Variants in CRYZ observed in about 807,000 individuals in gnomAD.
CRYZ encodes the protein crystallin zeta, also known as zeta-crystallin.
Under a neutral mutation model 34.1 loss-of-function variants are expected in CRYZ, and 35 were observed. The ratio of observed to expected loss-of-function variants is 1.03; its 90% CI spans 0.78 to 1.36. CRYZ has a LOEUF of 1.36. Ranked by LOEUF, CRYZ falls within the 40% of genes most tolerant of loss-of-function variation. The probability of loss-of-function intolerance (pLI) is 0.00; values close to 1 mark genes in which losing one functional copy is unlikely to be tolerated. For missense variants in CRYZ, 403 were observed against 391.8 expected (o/e 1.03, Z -0.24); for synonymous variants, 137 against 136.5 (o/e 1.00, Z -0.03).
chr1:74,710,792 C>T (rs942855010), intron 5 of CRYZ, among the ~76,000 whole-genome samples: 18 of 152,038 alleles, frequency 1.2e-4, no homozygotes, highest in East Asian at 5.8e-4. Context: ...AGAGTGTTTA[C>T]GATGTGCTAG....
At position 74,706,358 on chromosome 1, in the gene CRYZ, C is replaced by G. The variant is rs149746412; in HGVS notation, c.928G>C (p.Glu310Gln). The G allele has an allele frequency of 6.2e-7, 1 of 1,612,974 alleles. No individual in the cohort carries two copies. Among genetic ancestry groups the G allele is most frequent in the Non-Finnish European group, 8.5e-7 (1 of 1,179,326 alleles). The part of the protein sequence containing the change: ...GSQYPLEKVA[E>Q]AHENIIHGSG... ...CCATGAATGATATTTTCATGAGCCT[C>G]GGCCACCTTCTCCAATGGATATTGA... is the stretch of plus-strand genomic sequence containing the variant. The change falls in exon 9 of 9, where the codon GAG (glutamate) becomes CAG (glutamine). Residue 310 changes from glutamate (E) to glutamine (Q), a missense_variant. By Grantham distance (29) the Glu-to-Gln change is conservative (BLOSUM62 2). Coordinates refer to ENST00000340866, the MANE Select transcript of CRYZ (RefSeq NM_001889.4).
At chr1:74,707,883 A>C (rs560239546) in intron 6 of CRYZ, 1 of 152,330 alleles carries the variant, frequency 6.6e-6, no homozygotes, top group South Asian at 2.1e-4. Flanking sequence ...GATGGGAAAT[A>C]CTACAGTCAT....
intron 1 of CRYZ, among the ~76,000 whole-genome samples, chr1:74,727,458 C>CAA (rs3041452): frequency 2.4e-4 from 17 of 71,914 alleles, no homozygotes; most frequent in South Asian, 5.8e-4. Flanking sequence ...CTAAAAAATA[C>CAA]AAAAAAAAAA....
chr1:74,706,959 T>G lies in CRYZ; in HGVS notation c.768A>C (p.Pro256=). ...TCGACTCCTTTGCCATGGTGTCTCG[T>G]GGGTTTATTTCAATAGTACCTCTGC... ...VGSRGTIEIN[P]RDTMAKESSI... Residue 256 remains proline, a synonymous_variant, in exon 8 of 9, where the codon CCA becomes CCC. Coordinates refer to ENST00000340866, the MANE Select transcript of CRYZ (RefSeq NM_001889.4). 1 of 1,613,132 alleles carries G rather than the reference T, an allele frequency of 6.2e-7. No homozygotes were observed. Among genetic ancestry groups the G allele is most frequent in the Non-Finnish European group, 8.5e-7 (1 of 1,179,404 alleles).
chr1:74,728,351 C>T (rs768223), intron 1 of CRYZ, among the ~76,000 whole-genome samples: 31,038 of 152,078 alleles, frequency 0.2, 4,432 homozygotes, highest in East Asian at 0.71. Flanking sequence ...AAGCAAAGAA[C>T]ATTTGTACAG....
At chr1:74,726,914 G>A (rs907513749) in intron 1 of CRYZ, among the ~76,000 whole-genome samples, 1 of 152,076 alleles carries the variant, frequency 6.6e-6, no homozygotes, top group African/African-American at 2.4e-5. Context: ...CTAGGGCAGG[G>A]GCAAAATGCC....
intron 6 of CRYZ, chr1:74,708,753 C>T (rs1323837803): frequency 2.0e-5 from 3 of 152,136 alleles, no homozygotes; most frequent in African/African-American, 4.8e-5. Flanking sequence ...TGGAAATCAA[C>T]AGTATATGGG....
At chr1:74,714,992 A>T (rs1183691646) in intron 4 of CRYZ, among the ~76,000 whole-genome samples, 1 of 152,152 alleles carries the variant, frequency 6.6e-6, no homozygotes, top group East Asian at 1.9e-4. Context: ...CCCCACAGAA[A>T]GGGCCTCAAA....
At chr1:74,725,898 G>C (rs554482132) in intron 1 of CRYZ, among the ~76,000 whole-genome samples, 6 of 152,286 alleles carry the variant, frequency 3.9e-5, no homozygotes, top group African/African-American at 1.4e-4. Flanking sequence ...AAAATCCAGC[G>C]AGACAGTCAA....
chr1:74,716,931 G>GA (rs1647084969), intron 4 of CRYZ, among the ~76,000 whole-genome samples: 1 of 152,064 alleles, frequency 6.6e-6, no homozygotes, highest in Non-Finnish European at 1.5e-5. Context: ...AAGTATTACA[G>GA]AAAAAAATCA....
intron 4 of CRYZ, 22 bp from the exon 5 acceptor site, chr1:74,714,652 A>T: frequency 6.2e-7 from 1 of 1,612,628 alleles, no homozygotes; most frequent in Non-Finnish European, 8.5e-7. Flanking sequence ...AGCATAAGTT[A>T]CATCACCTTA....
chr1:74,719,746 G>A (rs568835469), intron 3 of CRYZ, among the ~76,000 whole-genome samples: 16 of 151,928 alleles, frequency 1.1e-4, no homozygotes, highest in Admixed American at 2.6e-4. Flanking sequence ...TGCCCACCTC[G>A]GCCTCCCAAA....
chr1:74,723,281 A>G lies in CRYZ; in HGVS notation c.112-11T>C. On this transcript the variant is annotated splice_polypyrimidine_tract_variant and intron_variant, in intron 2 of 8. Coordinates refer to ENST00000340866, the MANE Select transcript of CRYZ (RefSeq NM_001889.4). ...GACCTTGATTAGAACCTGCAATGAC[A>G]ATGTATTTTAGTTCACAGAAAGAAT... is the stretch of plus-strand genomic sequence containing the variant. 1 of 1,607,492 alleles carries G rather than the reference A, an allele frequency of 6.2e-7. No homozygotes were observed. The highest frequency in any genetic ancestry group is 8.5e-7 in the Non-Finnish European group (1 of 1,178,240).
intron 6 of CRYZ, among the ~76,000 whole-genome samples, chr1:74,709,359 C>T (rs1273203330): frequency 6.6e-6 from 1 of 152,032 alleles, no homozygotes; most frequent in Non-Finnish European, 1.5e-5. Flanking sequence ...TTAGGTTCCC[C>T]AGACGTATAA....
intron 4 of CRYZ, among the ~76,000 whole-genome samples, chr1:74,716,415 T>C (rs1006791408): frequency 2.0e-5 from 3 of 152,032 alleles, no homozygotes; most frequent in East Asian, 1.9e-4. Flanking sequence ...TGGCCTTCCA[T>C]GCTGCTGTCC....
chr1:74,719,214 G>A lies in CRYZ; in HGVS notation c.423C>T (p.Ile141=), dbSNP rs1410837627. 1 of 1,613,490 alleles carries A rather than the reference G, an allele frequency of 6.2e-7. No homozygotes were observed. Among genetic ancestry groups the A allele is most frequent in the East Asian group, 2.2e-5 (1 of 44,874 alleles). Residue 141 remains isoleucine, a synonymous_variant, in exon 4 of 9, where the codon ATC becomes ATT. Coordinates refer to ENST00000340866, the MANE Select transcript of CRYZ (RefSeq NM_001889.4). ...IPYFTAYRAL[I]HSACVKAGES... is the part of the protein sequence containing the mutation. ...TTGACAGAATGTGTTATTACCTGTG[G>A]ATCAGAGCTCGATAAGCAGTAAAAT... is the stretch of plus-strand genomic sequence containing the variant.
intron 1 of CRYZ, among the ~76,000 whole-genome samples, chr1:74,729,967 C>G (rs1298349249): frequency 6.6e-6 from 1 of 152,138 alleles, no homozygotes; most frequent in Non-Finnish European, 1.5e-5. Flanking sequence ...CTCTCTCTCT[C>G]TCTCTCACAC....
intron 5 of CRYZ, among the ~76,000 whole-genome samples, chr1:74,712,079 A>C (rs904405855): frequency 6.6e-6 from 1 of 152,204 alleles, no homozygotes; most frequent in African/African-American, 2.4e-5. Flanking sequence ...AATCACTAGA[A>C]TACCAGATAA....
At chr1:74,729,228 A>G (rs1473067060) in intron 1 of CRYZ, among the ~76,000 whole-genome samples, 2 of 151,558 alleles carry the variant, frequency 1.3e-5, no homozygotes, top group African/African-American at 2.4e-5. Context: ...TGGGAGCCAC[A>G]TGGCCTTGGG....
Sources: gnomAD v4.1 joint callset for allele counts (sites outside exome capture counted in the v4.1 genomes callset) on GRCh38, gnomAD v4.1.1 for gene constraint, MANE v1.5 for transcripts, NCBI Gene and HGNC (gene_info 2026-07-23, HGNC 2026-07-21) for gene names.